Variants in STRN4 observed in about 807,000 individuals in gnomAD.
STRN4 encodes the protein striatin 4, also known as striatin-4.
Under a neutral mutation model 77.9 loss-of-function variants are expected in STRN4, and 27 were observed. The observed-to-expected ratio is 0.35, with a 90% CI of 0.26 to 0.48. STRN4 has a LOEUF of 0.48. Ranked by LOEUF, STRN4 falls within the 20% of genes least tolerant of loss-of-function variation. STRN4 has a pLI of 0.99. For synonymous variants in STRN4, 466 were observed against 443.1 expected, an observed-to-expected ratio of 1.05 and a Z score of -0.65; for missense variants, 798 against 1,049.7, an observed-to-expected ratio of 0.76 and a Z score of 3.31.
intron 14 of STRN4, 42 bp from the exon 15 acceptor site, chr19:46,722,382 A>C: frequency 6.3e-7 from 1 of 1,588,416 alleles, no homozygotes; most frequent in Non-Finnish European, 8.6e-7. Flanking sequence ...TCAAGCAGAA[A>C]ATCAGGAAGA....
intron 9 of STRN4, 99 bp from the exon 10 acceptor site, chr19:46,725,747 A>G (rs2054096491): frequency 2.8e-6 from 4 of 1,451,048 alleles, no homozygotes; most frequent in Non-Finnish European, 3.7e-6. Context: ...TTCCACCCAC[A>G]TGACCCTGGC....
Position 46,723,430 on chromosome 19 carries a change from G to T in STRN4, c.1595-146C>A, listed in dbSNP as rs970941655. 1.9e-6 allele frequency: 2 copies of T among 1,062,128 alleles called. No homozygotes were observed. The highest frequency in any genetic ancestry group is 1.6e-5 in the African/African-American group (1 of 62,414). 65.8% of individuals were successfully genotyped at this position (1,062,128 alleles called of 1,614,324 possible). ...TTCACACCTGGTGCCCCTCGGAACT[G>T]TCCACTGCCAGGACAGCCCGGCAGC... On this transcript the variant is annotated intron_variant, in intron 12 of 17. Coordinates refer to ENST00000263280, the MANE Select transcript of STRN4 (RefSeq NM_013403.3). This position sits in a 1 kb window ranked among gnomAD's most constrained non-coding sequence, Gnocchi z 5.5.
chr19:46,724,520 G>A (rs978836973), intron 12 of STRN4, among the ~76,000 whole-genome samples: 1 of 152,250 alleles, frequency 6.6e-6, no homozygotes, highest in Non-Finnish European at 1.5e-5. Flanking sequence ...CTGTGCATGG[G>A]CTGCTCCCAG....
At chr19:46,728,281 G>A (rs1217581074) in intron 7 of STRN4, 1 of 596,884 alleles carries the variant, frequency 1.7e-6, no homozygotes, top group Non-Finnish European at 3.0e-6. Flanking sequence ...GGACAGGGAG[G>A]AAGATGCGGC....
chr19:46,741,147 G>A lies in STRN4; in HGVS notation c.283-2259C>T, dbSNP rs1282659956. ...GGGAGACTAGAGGGAGGGAGCAGGA[G>A]AGCGGCAGAGCTGGACACAGAGACC... On this transcript the variant is annotated intron_variant, in intron 1 of 17. Coordinates refer to ENST00000263280, the MANE Select transcript of STRN4 (RefSeq NM_013403.3). This position sits in a 1 kb window ranked among gnomAD's most constrained non-coding sequence, Gnocchi z 4.9. Among the ~76,000 whole-genome samples, 3 of 152,344 alleles carry A rather than the reference G, an allele frequency of 2.0e-5. No individual in the cohort carries two copies. Among genetic ancestry groups the A allele is most frequent in the African/African-American group, 7.2e-5 (3 of 41,584 alleles).
chr19:46,721,693 A>G (rs1360783548), intron 16 of STRN4: 3 of 375,244 alleles, frequency 8.0e-6, no homozygotes, highest in Non-Finnish European at 1.5e-5. Context: ...ACAGAGCTTC[A>G]ATGGCCAAGT....
chr19:46,730,450 C>T (rs1363644434), intron 6 of STRN4, among the ~76,000 whole-genome samples: 1 of 152,176 alleles, frequency 6.6e-6, no homozygotes, highest in Non-Finnish European at 1.5e-5. Context: ...CAAAGGGACC[C>T]GCTAATGGGA....
chr19:46,730,474 G>C (rs1378710561), intron 6 of STRN4, among the ~76,000 whole-genome samples: 1 of 152,204 alleles, frequency 6.6e-6, no homozygotes, highest in Non-Finnish European at 1.5e-5. Flanking sequence ...CCGGGGCTCA[G>C]GGAAAGCTCC....
At chr19:46,725,694 C>A in intron 9 of STRN4, 46 bp from the exon 10 acceptor site, 1 of 1,592,172 alleles carries the variant, frequency 6.3e-7, no homozygotes, top group Non-Finnish European at 8.6e-7. Context: ...TCCATCCCAG[C>A]AGTCATGCAG....
chr19:46,737,965 TG>T (rs1324016933), intron 3 of STRN4, among the ~76,000 whole-genome samples, 198 bp downstream of exon 3: 1 of 152,028 alleles, frequency 6.6e-6, no homozygotes, highest in Non-Finnish European at 1.5e-5. Context: ...CAAGCGGGAC[TG>T]GCCCCCAGGG....
intron 7 of STRN4, 130 bp from the exon 8 acceptor site, chr19:46,728,137 G>C (rs764110301): frequency 3.4e-6 from 3 of 873,058 alleles, no homozygotes; most frequent in South Asian, 1.4e-5. Context: ...CTGGGGGAGG[G>C]GGGGAATGGG....
At chr19:46,735,913 G>A (rs1384907765) in intron 4 of STRN4, among the ~76,000 whole-genome samples, 4 of 151,626 alleles carry the variant, frequency 2.6e-5, no homozygotes, top group South Asian at 2.1e-4. Flanking sequence ...GCAGTGAGCC[G>A]AGATCGCACC....
At position 46,746,101 on chromosome 19, in the gene STRN4, G is replaced by T. The variant is rs985412051; in HGVS notation, c.282+48C>A. 6.3e-6 allele frequency: 9 copies of T among 1,426,242 alleles called. No individual in the cohort carries two copies. The African/African-American group carries it at 1.2e-4, about 19-fold the overall frequency. The allele number at this position is 1,426,242 out of a possible 1,614,324, so 88.3% of individuals were successfully genotyped here. A position where few individuals can be genotyped will look rare whatever the true frequency, so the allele number is the denominator to read the frequency against. On this transcript the variant is annotated intron_variant, in intron 1 of 17. Coordinates refer to ENST00000263280, the MANE Select transcript of STRN4 (RefSeq NM_013403.3). ...CGGCGGCGGCAGCGGGTGAGGCCGG[G>T]CCGGGCCGGGCCGGGTTGGGGGTCG...
At chr19:46,720,936 C>T (rs2053962378) in intron 16 of STRN4, 165 bp from the exon 17 acceptor site, 1 of 684,074 alleles carries the variant, frequency 1.5e-6, no homozygotes, top group East Asian at 3.3e-5. Context: ...CAAAGGAGAA[C>T]CCTGGTCCCC....
chr19:46,744,255 C>T (rs186014387), intron 1 of STRN4, among the ~76,000 whole-genome samples: 1 of 152,066 alleles, frequency 6.6e-6, no homozygotes, highest in South Asian at 2.1e-4. Flanking sequence ...GAAAGAGCTT[C>T]GGAAGTAGAG....
At chr19:46,724,658 G>A (rs1043701450) in intron 12 of STRN4, 149 bp downstream of exon 12, 20 of 1,218,752 alleles carry the variant, frequency 1.6e-5, no homozygotes, top group South Asian at 7.2e-5. Context: ...GCTGCATCGC[G>A]CTGCTCACAA....
chr19:46,720,604 A>G lies in STRN4; in HGVS notation c.2260T>C (p.Ter754ArgextTer15), dbSNP rs2053954501. 1.3e-6 allele frequency: 2 copies of G among 1,570,712 alleles called. No individual in the cohort carries two copies. The highest frequency in any genetic ancestry group is 1.7e-6 in the Non-Finnish European group (2 of 1,153,648). Residue 754 changes from the stop codon to arginine, a stop_lost, in exon 17 of 18, where the codon TGA (stop) becomes CGA (arginine). Coordinates refer to ENST00000263280, the MANE Select transcript of STRN4 (RefSeq NM_013403.3). ...GADALAKVFV[*>R] Reference sequence around the variant, plus strand: ...GCCAGGGCAGGGCCAGGTGGGCATCATACGAAGACCTTGGCCAGGGCATCA... The same window carrying G: ...GCCAGGGCAGGGCCAGGTGGGCATCGTACGAAGACCTTGGCCAGGGCATCA...
intron 7 of STRN4, 128 bp from the exon 8 acceptor site, chr19:46,728,135 G>C: frequency 1.2e-6 from 1 of 860,694 alleles, no homozygotes; most frequent in Non-Finnish European, 1.9e-6. Flanking sequence ...CCCTGGGGGA[G>C]GGGGGGAATG....
rs1196933311 is a variant in STRN4, at chr19:46,727,551, G to A, written c.1154-5C>T. ...TAGTGTCCATGATGAAGACGTCTGA[G>A]GAGAAGCCAAAGGAACCTGGTAGGG... On this transcript the variant is annotated splice_region_variant and splice_polypyrimidine_tract_variant and intron_variant, in intron 8 of 17. Transcript: ENST00000263280. 1.9e-6 allele frequency: 3 copies of A among 1,613,782 alleles called. No homozygotes were observed. Among genetic ancestry groups the A allele is most frequent in the Non-Finnish European group, 2.5e-6 (3 of 1,179,878 alleles).
Sources: allele counts gnomAD v4.1 joint callset (sites outside exome capture counted in the v4.1 genomes callset), GRCh38; gene constraint gnomAD v4.1.1; non-coding constraint Gnocchi (gnomAD v3.1); transcripts MANE v1.5; gene names NCBI Gene and HGNC (gene_info 2026-07-23, HGNC 2026-07-21).